The following RAPGEF2 variants were observed in gnomAD, a reference collection of about 807,000 sequenced individuals.
The protein encoded by RAPGEF2 is Rap guanine nucleotide exchange factor 2.
RAPGEF2 carries 54 observed loss-of-function variants against 186.7 expected under a neutral mutation model. The ratio of observed to expected loss-of-function variants is 0.29; its 90% CI spans 0.23 to 0.36. The LOEUF (loss-of-function observed/expected upper bound fraction) is 0.36, where lower values mean the gene tolerates loss of function less well. Ranked by LOEUF, RAPGEF2 falls within the 10% of genes least tolerant of loss-of-function variation. The probability of loss-of-function intolerance (pLI) is 1.00; values close to 1 mark genes in which losing one functional copy is unlikely to be tolerated. For missense variants in RAPGEF2, 1,532 were observed against 2,045.0 expected, an observed-to-expected ratio of 0.75 and a Z score of 4.84; for synonymous variants, 712 against 705.9, an observed-to-expected ratio of 1.01 and a Z score of -0.14.
intron 7 of RAPGEF2, among the ~76,000 whole-genome samples, chr4:159,273,814 ATGGAG>A (rs1758495981): frequency 6.6e-6 from 1 of 151,770 alleles, no homozygotes; most frequent in Non-Finnish European, 1.5e-5. Flanking sequence ...TTTTTTCGAG[ATGGAG>A]TCTCGCTCTG....
At chr4:159,235,661 T>C (rs1753173023) in intron 4 of RAPGEF2, among the ~76,000 whole-genome samples, 1 of 152,262 alleles carries the variant, frequency 6.6e-6, no homozygotes, top group Non-Finnish European at 1.5e-5. Context: ...TACATCTTTA[T>C]CTGTTGCCTT....
In RAPGEF2 at chr4:159,103,308, C is replaced by G. The variant is rs1737388300; in HGVS notation, c.-855C>G. 1 of 152,132 alleles carries G rather than the reference C, an allele frequency of 6.6e-6. No homozygotes were observed. The highest frequency in any genetic ancestry group is 2.4e-5 in the African/African-American group (1 of 41,352). The allele number at this position is 152,132 out of a possible 1,614,324, so 9.4% of individuals were successfully genotyped here. On this transcript the variant is annotated 5_prime_UTR_variant, in exon 1 of 30. Transcript: ENST00000691494. ...ACAAAGTTGCCGAGAGCGACTGGGC[C>G]GGAGGGCTGCAGCCCGGGCCGGGTG...
At chr4:159,199,414 T>G (rs1343969423) in intron 3 of RAPGEF2, among the ~76,000 whole-genome samples, 3 of 152,114 alleles carry the variant, frequency 2.0e-5, no homozygotes, top group Non-Finnish European at 2.9e-5. Context: ...TATGTTTGTT[T>G]CAGGTTTGCC....
rs78531515 is a variant in RAPGEF2, at chr4:159,355,959, G to A, written c.4758G>A (p.Pro1586=). The change falls in exon 29 of 30, where the codon CCG becomes CCA. Residue 1586 remains proline, a synonymous_variant. Transcript: ENST00000691494. ...PEGHSHPARK[P]PDYNVALQRS... ...GGCACTCCCATCCAGCCAGGAAACCGCCGGACTACAACGTGGCCCTTCAGA... is the reference window on the plus strand; with the variant it reads ...GGCACTCCCATCCAGCCAGGAAACCACCGGACTACAACGTGGCCCTTCAGA... 2,114 of 1,346,266 alleles carry A rather than the reference G, an allele frequency of 1.6e-3. 19 individuals are homozygous for A. In the African/African-American group the frequency reaches 0.03, roughly 19 times the overall value. 83.4% of individuals were successfully genotyped at this position (1,346,266 alleles called of 1,614,324 possible).
At chr4:159,323,942 G>C (rs903124212) in intron 11 of RAPGEF2, among the ~76,000 whole-genome samples, 1 of 151,198 alleles carries the variant, frequency 6.6e-6, no homozygotes, top group Non-Finnish European at 1.5e-5. Context: ...TGTCTCCCAG[G>C]CTGGAGTGCA....
At chr4:159,170,001 T>C (rs1745735816) in intron 1 of RAPGEF2, among the ~76,000 whole-genome samples, 1 of 152,118 alleles carries the variant, frequency 6.6e-6, no homozygotes. Context: ...CATACTGTTT[T>C]CCATAATGAA....
intron 1 of RAPGEF2, among the ~76,000 whole-genome samples, chr4:159,108,304 T>C (rs775783211): frequency 2.0e-5 from 3 of 151,876 alleles, no homozygotes; most frequent in Non-Finnish European, 4.4e-5. Flanking sequence ...TGAAAATCTC[T>C]CCAACTGCAG....
chr4:159,285,334 A>G lies in RAPGEF2; in HGVS notation c.544-19008A>G, dbSNP rs539926125. Among the ~76,000 whole-genome samples, 5 of 152,180 alleles carry G rather than the reference A, an allele frequency of 3.3e-5. No homozygotes were observed. The South Asian group carries it at 6.2e-4, about 19-fold the overall frequency. On this transcript the variant is annotated intron_variant, in intron 7 of 29. Coordinates refer to ENST00000691494, the MANE Select transcript of RAPGEF2 (RefSeq NM_001394067.2). ...TTTTGTTATTGATGTTTTGGTTACT[A>G]TTTTCTTTTATTGATTTTAATCTGA...
chr4:159,359,752 T>TTGTAATTTTACA lies in RAPGEF2; in HGVS notation c.*1620_*1631dup, dbSNP rs1381647917. Reference sequence around the variant, plus strand: ...GCTTATTACATTGTCAATTATGCATTTGTAATTTTACATGTAATATGCATT... The same window carrying TTGTAATTTTACA: ...GCTTATTACATTGTCAATTATGCATTTGTAATTTTACATGTAATTTTACATGTAATATGCATT... On this transcript the variant is annotated 3_prime_UTR_variant, in exon 30 of 30. Coordinates refer to ENST00000691494, the MANE Select transcript of RAPGEF2 (RefSeq NM_001394067.2). 2 of 152,236 alleles carry TTGTAATTTTACA rather than the reference T, an allele frequency of 1.3e-5. No individual in the cohort carries two copies. The highest frequency in any genetic ancestry group is 2.9e-5 in the Non-Finnish European group (2 of 68,036). 9.4% of individuals were successfully genotyped at this position (152,236 alleles called of 1,614,324 possible).
At position 159,219,448 on chromosome 4, in the gene RAPGEF2, C is replaced by T. The variant is rs536306501; in HGVS notation, c.281+8865C>T. Among the ~76,000 whole-genome samples the T allele has an allele frequency of 2.5e-4, 37 of 145,642 alleles. 1 individual carries two copies. In the South Asian group the frequency reaches 2.6e-3, roughly 10 times the overall value. ...TGGGCTCACTGCAAGCCCCGCCTCC[C>T]GGGTTCACGCCATTCTCCTGCCTCA... On this transcript the variant is annotated intron_variant, in intron 4 of 29. Transcript: ENST00000691494.
intron 26 of RAPGEF2, chr4:159,351,170 C>T: frequency 1.3e-6 from 2 of 1,534,668 alleles, no homozygotes; most frequent in Non-Finnish European, 1.7e-6. Flanking sequence ...GCACCACGGA[C>T]CTATGGGATA....
intron 1 of RAPGEF2, among the ~76,000 whole-genome samples, chr4:159,129,369 T>C (rs1560992145): frequency 6.6e-6 from 1 of 152,180 alleles, no homozygotes; most frequent in Admixed American, 6.5e-5. Context: ...TACATAATGC[T>C]TACAGTTATG....
At position 159,284,135 on chromosome 4, in the gene RAPGEF2, C is replaced by G. The variant is rs575189357; in HGVS notation, c.544-20207C>G. Reference sequence around the variant, plus strand: ...GTAACATAAAAGCTCTGAAATCTGTCTTCATTGGCTCCTTTTAACTTCCCA... The same window carrying G: ...GTAACATAAAAGCTCTGAAATCTGTGTTCATTGGCTCCTTTTAACTTCCCA... On this transcript the variant is annotated intron_variant, in intron 7 of 29. Coordinates refer to ENST00000691494, the MANE Select transcript of RAPGEF2 (RefSeq NM_001394067.2). 2.0e-5 allele frequency among the ~76,000 whole-genome samples: 3 copies of G among 152,302 alleles called. No homozygotes were observed. In the South Asian group the frequency reaches 6.2e-4, roughly 32 times the overall value.
chr4:159,262,062 C>T (rs1756937712), intron 7 of RAPGEF2, among the ~76,000 whole-genome samples: 1 of 152,110 alleles, frequency 6.6e-6, no homozygotes, highest in South Asian at 2.1e-4. Flanking sequence ...GTCTGGTTCC[C>T]CATCTTAAAC....
intron 24 of RAPGEF2, 25 bp from the exon 25 acceptor site, chr4:159,346,764 A>G (rs531973981): frequency 4.4e-6 from 7 of 1,598,114 alleles, no homozygotes; most frequent in East Asian, 2.2e-5. Context: ...TCTTTGTTCT[A>G]TTTTCAAACC....
chr4:159,316,431 C>A (rs1046758811), intron 9 of RAPGEF2, among the ~76,000 whole-genome samples: 5 of 152,042 alleles, frequency 3.3e-5, no homozygotes, highest in Admixed American at 6.6e-5. Context: ...GCCCACAGTA[C>A]CCATTGGTAA....
In RAPGEF2 at chr4:159,323,510, G is replaced by A. The variant is rs771675701; in HGVS notation, c.1042G>A (p.Asp348Asn). The A allele has an allele frequency of 6.2e-7, 1 of 1,612,898 alleles. No individual in the cohort carries two copies. Reference sequence around the variant, plus strand: ...TGGATCTGTGGAAGTGACTTATCCAGATGGAAAAGCAGAAATACTGTGCAT... The same window carrying A: ...TGGATCTGTGGAAGTGACTTATCCAAATGGAAAAGCAGAAATACTGTGCAT... ...LNGSVEVTYPDGKAEILCMGN... is the reference protein window; with the variant it reads ...LNGSVEVTYPNGKAEILCMGN... The change falls in exon 11 of 30, where the codon GAT (aspartate) becomes AAT (asparagine). Residue 348 changes from aspartate to asparagine, a missense_variant. By Grantham distance (23) the Asp-to-Asn change is conservative (BLOSUM62 1). This residue lies in a region of RAPGEF2 where 810 missense variants were observed against 1,210.5 expected (regional missense o/e 0.67). Transcript: ENST00000691494.
At chr4:159,169,729 A>G (rs1442675529) in intron 1 of RAPGEF2, among the ~76,000 whole-genome samples, 1 of 152,166 alleles carries the variant, frequency 6.6e-6, no homozygotes, top group Non-Finnish European at 1.5e-5. Context: ...CTCCAGGTTC[A>G]TTTATATTGT....
chr4:159,107,337 A>T (rs1737989677), intron 1 of RAPGEF2, among the ~76,000 whole-genome samples: 1 of 152,200 alleles, frequency 6.6e-6, no homozygotes, highest in Non-Finnish European at 1.5e-5. Flanking sequence ...GATGTAAATA[A>T]ATTACAAACA....
Sources: gnomAD v4.1 joint callset for allele counts (sites outside exome capture counted in the v4.1 genomes callset) on GRCh38, gnomAD v4.1.1 for gene constraint, gnomAD v4.1.1 regional missense constraint, MANE v1.5 for transcripts, NCBI Gene and HGNC (gene_info 2026-07-23, HGNC 2026-07-21) for gene names.